FGF7: variants seen among roughly 807,000 people sequenced by gnomAD.
The protein encoded by FGF7 is FGF-7.
A neutral mutation model predicts 20.5 loss-of-function variants in FGF7; 6 were observed. The ratio of observed to expected loss-of-function variants is 0.29; its 90% CI spans 0.16 to 0.58. The LOEUF (loss-of-function observed/expected upper bound fraction) is 0.58, where lower values mean the gene tolerates loss of function less well. Ranked by LOEUF, FGF7 falls within the 20% of genes least tolerant of loss-of-function variation. The pLI, the probability that FGF7 is intolerant of heterozygous loss-of-function variation, is 0.90. For missense variants in FGF7, 144 were observed against 228.8 expected (o/e 0.63, Z 2.39); for synonymous variants, 64 against 74.7 (o/e 0.86, Z 0.74).
chr15:49,481,978 TA>T (rs994063524), intron 2 of FGF7, among the ~76,000 whole-genome samples: 3 of 151,916 alleles, frequency 2.0e-5, no homozygotes, highest in African/African-American at 2.4e-5. Context: ...AAAAATGAAG[TA>T]AAAAAAATAA....
chr15:49,460,640 C>A (rs938229091), intron 2 of FGF7, among the ~76,000 whole-genome samples: 1 of 152,106 alleles, frequency 6.6e-6, no homozygotes. Context: ...AATATTTTAA[C>A]CCACACACAT....
At chr15:49,476,913 A>G (rs978945421) in intron 2 of FGF7, among the ~76,000 whole-genome samples, 3 of 151,766 alleles carry the variant, frequency 2.0e-5, no homozygotes, top group African/African-American at 7.3e-5. Flanking sequence ...CAAAAAAATT[A>G]GCCGGGCGTG....
intron 2 of FGF7, among the ~76,000 whole-genome samples, chr15:49,476,344 AG>A (rs1160001621): frequency 6.6e-6 from 1 of 151,600 alleles, no homozygotes; most frequent in African/African-American, 2.4e-5. Flanking sequence ...ATATCCAGAT[AG>A]GATATCATAA....
In FGF7 at chr15:49,487,895, C is replaced by T. The variant is rs2056537100; in HGVS notation, c.*3391C>T. On this transcript the variant is annotated 3_prime_UTR_variant, in exon 4 of 4. Coordinates refer to ENST00000267843, the MANE Select transcript of FGF7 (RefSeq NM_002009.4). Reference sequence around the variant, plus strand: ...AGGGCTTATCATGCAGTTTGGTTTACATCCCTACTCCACTGCCATTTACTT... The same window carrying T: ...AGGGCTTATCATGCAGTTTGGTTTATATCCCTACTCCACTGCCATTTACTT... 1 of 151,942 alleles carries T rather than the reference C, an allele frequency of 6.6e-6. No homozygotes were observed. The highest frequency in any genetic ancestry group is 6.6e-5 in the Admixed American group (1 of 15,208). The allele number at this position is 151,942 out of a possible 1,614,324, so 9.4% of individuals were successfully genotyped here.
intron 2 of FGF7, among the ~76,000 whole-genome samples, chr15:49,443,122 G>C (rs2051828782): frequency 6.6e-6 from 1 of 151,574 alleles, no homozygotes. Flanking sequence ...GAAGCTCCTT[G>C]TACTGGTCCA....
At chr15:49,427,465 A>G (rs1377168410) in intron 2 of FGF7, among the ~76,000 whole-genome samples, 1 of 152,058 alleles carries the variant, frequency 6.6e-6, no homozygotes, top group Non-Finnish European at 1.5e-5. Flanking sequence ...TTGATGCCTT[A>G]AATTTTTTCA....
In FGF7 at chr15:49,459,254, C is replaced by T. The variant is rs966335918; in HGVS notation, c.287-23897C>T. Among the ~76,000 whole-genome samples the T allele has an allele frequency of 3.9e-5, 6 of 152,262 alleles. No homozygotes were observed. In the East Asian group the frequency reaches 1.2e-3, roughly 29 times the overall value. ...AGAGATTTGTACATTTGACTACTTT[C>T]AAACATGGAGGAGTAGGCTCCCAAT... On this transcript the variant is annotated intron_variant, in intron 2 of 3. Transcript: ENST00000267843.
At chr15:49,467,740 T>C (rs780700428) in intron 2 of FGF7, among the ~76,000 whole-genome samples, 55 of 152,160 alleles carry the variant, frequency 3.6e-4, no homozygotes, top group Admixed American at 7.2e-4. Flanking sequence ...TTAGAATCTT[T>C]AGTGATTAGA....
intron 2 of FGF7, among the ~76,000 whole-genome samples, chr15:49,466,227 G>C (rs1313041197): frequency 6.6e-6 from 1 of 152,182 alleles, no homozygotes; most frequent in Non-Finnish European, 1.5e-5. Flanking sequence ...ACTTTCTGAG[G>C]AACGGGAACT....
chr15:49,424,612 C>A (rs377247133), intron 2 of FGF7, 29 bp downstream of exon 2: 10 of 1,491,102 alleles, frequency 6.7e-6, no homozygotes, highest in South Asian at 1.4e-5. Flanking sequence ...TGCTCATGAA[C>A]CTTAGCAATC....
At chr15:49,448,505 T>TA (rs1054483218) in intron 2 of FGF7, among the ~76,000 whole-genome samples, 4 of 151,720 alleles carry the variant, frequency 2.6e-5, no homozygotes, top group African/African-American at 9.7e-5. Context: ...TTTATTGTTT[T>TA]AAAAAACTCC....
chr15:49,433,903 A>G (rs569392509), intron 2 of FGF7, among the ~76,000 whole-genome samples: 1 of 151,864 alleles, frequency 6.6e-6, no homozygotes, highest in Non-Finnish European at 1.5e-5. Context: ...AAAAGAGAAA[A>G]AGTCTTTAAT....
intron 2 of FGF7, among the ~76,000 whole-genome samples, chr15:49,458,365 G>T (rs555355175): frequency 6.6e-6 from 1 of 152,030 alleles, no homozygotes; most frequent in African/African-American, 2.4e-5. Flanking sequence ...ATCTTTAAAG[G>T]TCACTTAAAC....
At chr15:49,431,212 C>A (rs2050586645) in intron 2 of FGF7, among the ~76,000 whole-genome samples, 1 of 151,676 alleles carries the variant, frequency 6.6e-6, no homozygotes, top group Non-Finnish European at 1.5e-5. Flanking sequence ...ATTTTTACCC[C>A]TCAAATAGGT....
chr15:49,468,083 G>A (rs182908826), intron 2 of FGF7, among the ~76,000 whole-genome samples: 1 of 152,230 alleles, frequency 6.6e-6, no homozygotes, highest in East Asian at 1.9e-4. Flanking sequence ...ACCACATGCT[G>A]ATGTACTTTC....
intron 2 of FGF7, among the ~76,000 whole-genome samples, chr15:49,466,190 A>G (rs2054250432): frequency 6.6e-6 from 1 of 152,234 alleles, no homozygotes; most frequent in Admixed American, 6.5e-5. Flanking sequence ...CTAATTATCA[A>G]GCTTCACCTC....
At chr15:49,429,102 A>T (rs2050370903) in intron 2 of FGF7, among the ~76,000 whole-genome samples, 1 of 152,038 alleles carries the variant, frequency 6.6e-6, no homozygotes. Flanking sequence ...TTAGCAAGTT[A>T]TCTAAAAGAA....
At chr15:49,464,846 C>T (rs1010454797) in intron 2 of FGF7, among the ~76,000 whole-genome samples, 3 of 152,142 alleles carry the variant, frequency 2.0e-5, no homozygotes, top group Middle Eastern at 3.4e-3. Flanking sequence ...AAAAACTATA[C>T]AGTACAATGG....
At chr15:49,457,687 T>C (rs1370860692) in intron 2 of FGF7, among the ~76,000 whole-genome samples, 1 of 151,840 alleles carries the variant, frequency 6.6e-6, no homozygotes, top group Non-Finnish European at 1.5e-5. Context: ...CCAGTGACAA[T>C]AGATTTCCAA....
Sources: allele counts gnomAD v4.1 joint callset (sites outside exome capture counted in the v4.1 genomes callset), GRCh38; gene constraint gnomAD v4.1.1; transcripts MANE v1.5; gene names NCBI Gene and HGNC (gene_info 2026-07-23, HGNC 2026-07-21).